Variants in NDUFA10 observed in about 807,000 individuals in gnomAD.
The protein encoded by NDUFA10 is NADH dehydrogenase [ubiquinone] 1 alpha subcomplex subunit 10, mitochondrial.
In NDUFA10, 40 loss-of-function variants were observed where a neutral mutation model predicts 47.8. That is an observed-to-expected ratio of 0.84 (90% CI 0.65 to 1.09). The LOEUF (loss-of-function observed/expected upper bound fraction) is 1.09. Ranked by LOEUF, NDUFA10 falls within the 50% of genes least tolerant of loss-of-function variation. NDUFA10 has a pLI of 0.00. For synonymous variants in NDUFA10, 183 were observed against 172.2 expected, an observed-to-expected ratio of 1.06 and a Z score of -0.49; for missense variants, 413 against 451.1, an observed-to-expected ratio of 0.92 and a Z score of 0.76.
At chr2:239,925,899 A>G (rs755754625) in intron 4 of NDUFA10, among the ~76,000 whole-genome samples, 10 of 152,362 alleles carry the variant, frequency 6.6e-5, no homozygotes, top group Admixed American at 1.3e-4. Flanking sequence ...ACATGAAAAC[A>G]TGTTAACATC....
At chr2:239,978,603 C>T (rs1007575516) in intron 9 of NDUFA10, among the ~76,000 whole-genome samples, 1 of 152,254 alleles carries the variant, frequency 6.6e-6, no homozygotes, top group Non-Finnish European at 1.5e-5. Context: ...CACTGGCCCA[C>T]AGGCACTTCT....
At chr2:239,905,221 C>T (rs934389329) in intron 4 of NDUFA10, among the ~76,000 whole-genome samples, 2 of 152,140 alleles carry the variant, frequency 1.3e-5, no homozygotes, top group Non-Finnish European at 2.9e-5. Context: ...AGTGTGAAGA[C>T]CCCCTCTAAC....
At position 239,987,330 on chromosome 2, in the gene NDUFA10, A is replaced by G. The variant is rs1696040614; in HGVS notation, c.999+2744T>C. On this transcript the variant is annotated intron_variant, in intron 9 of 9. Transcript: ENST00000252711. The surrounding 1 kb of genome is among the most constrained non-coding windows in gnomAD (Gnocchi z 4.8). ...CTCAAACCAGGCGCTGTGCATCGAC[A>G]GGAGGACTCGCTCGAATGCGTGTCT... is the stretch of plus-strand genomic sequence containing the variant. Among the ~76,000 whole-genome samples, 4 of 152,098 alleles carry G rather than the reference A, an allele frequency of 2.6e-5. No homozygotes were observed. The highest frequency in any genetic ancestry group is 2.0e-4 in the Admixed American group (3 of 15,278).
chr2:239,905,869 C>T (rs1395113416), intron 4 of NDUFA10, among the ~76,000 whole-genome samples: 1 of 106,656 alleles, frequency 9.4e-6, no homozygotes, highest in East Asian at 2.6e-4. Flanking sequence ...GGGGAGCAGC[C>T]TGGGAGGGGA....
chr2:240,022,929 G>C (rs951558124), intron 1 of NDUFA10, among the ~76,000 whole-genome samples: 5 of 152,120 alleles, frequency 3.3e-5, no homozygotes, highest in Admixed American at 3.3e-4. Flanking sequence ...AAGCAAAAGA[G>C]AGCAAATTTG....
At chr2:239,924,915 A>G (rs1694043825) in intron 4 of NDUFA10, among the ~76,000 whole-genome samples, 1 of 152,148 alleles carries the variant, frequency 6.6e-6, no homozygotes, top group African/African-American at 2.4e-5. Context: ...TATAATAGCA[A>G]TGAGCCCATA....
chr2:239,973,414 A>T (rs1277392238), intron 9 of NDUFA10: 1 of 436,904 alleles, frequency 2.3e-6, no homozygotes, highest in African/African-American at 2.1e-5. Context: ...TATTAAAGTT[A>T]ATAAAAACAT....
At chr2:239,952,303 G>T (rs1391502778) in intron 4 of NDUFA10, among the ~76,000 whole-genome samples, 1 of 151,554 alleles carries the variant, frequency 6.6e-6, no homozygotes, top group Admixed American at 6.6e-5. Context: ...GAGTGGGGAG[G>T]GGGGCCCAGG....
Position 240,005,285 on chromosome 2 carries a change from T to C in NDUFA10, c.815A>G (p.Asp272Gly), listed in dbSNP as rs1353055948. ...EAQDSKKVVE[D>G]IEYLKFDKGP... is the part of the protein sequence containing the mutation. ...TTTATCGAACTTCAGGTATTCAATG[T>C]CCTCTACCACCTAAGACAGGAAAAA... Residue 272 changes from aspartate (D) to glycine (G), a missense_variant, in exon 8 of 10, where the codon GAC becomes GGC. Coordinates refer to ENST00000252711, the MANE Select transcript of NDUFA10 (RefSeq NM_004544.4). 19 of 1,613,692 alleles carry C rather than the reference T, an allele frequency of 1.2e-5. No homozygotes were observed. Among genetic ancestry groups the C allele is most frequent in the Non-Finnish European group, 1.6e-5 (19 of 1,179,732 alleles).
At chr2:239,930,690 C>T (rs1382931513) in intron 4 of NDUFA10, among the ~76,000 whole-genome samples, 2 of 152,030 alleles carry the variant, frequency 1.3e-5, no homozygotes, top group African/African-American at 2.4e-5. Context: ...AAGGATGCAC[C>T]GGGAGCCGGA....
chr2:239,936,421 G>GAC (rs1694267064), intron 4 of NDUFA10, among the ~76,000 whole-genome samples: 2 of 152,200 alleles, frequency 1.3e-5, no homozygotes, highest in Admixed American at 6.5e-5. Context: ...TGCTCTGCGT[G>GAC]ACACTGAAAC....
intron 6 of NDUFA10, among the ~76,000 whole-genome samples, chr2:240,008,551 G>A (rs1470361119): frequency 6.6e-6 from 1 of 152,228 alleles, no homozygotes; most frequent in Non-Finnish European, 1.5e-5. Flanking sequence ...AAGTGTATAG[G>A]AGACAGAGGT....
intron 1 of NDUFA10, 58 bp downstream of exon 1, chr2:240,025,169 A>ACCCCCCC: frequency 2.3e-6 from 1 of 430,506 alleles, no homozygotes; most frequent in South Asian, 4.7e-5. Context: ...ACTGCTCCCC[A>ACCCCCCC]CCCCGCCACC....
rs553217835 is a variant in NDUFA10 at position 239,968,145 on chromosome 2, G to T, written c.1000-6959C>A. On this transcript the variant is annotated intron_variant, in intron 9 of 9. Coordinates refer to ENST00000252711, the MANE Select transcript of NDUFA10 (RefSeq NM_004544.4). ...AGAAATGAGTTGGAATGTGGGAGAA[G>T]CCCAAAGTAGAAGATGGAAGGTGAT... is the stretch of plus-strand genomic sequence containing the variant. Among the ~76,000 whole-genome samples the T allele has an allele frequency of 3.3e-5, 5 of 152,326 alleles. No homozygotes were observed. The East Asian group carries it at 9.7e-4, about 29-fold the overall frequency.
rs146861982 is a variant in NDUFA10 at position 239,917,798 on chromosome 2, C to A, written c.295-22484G>T. ...ATGTTAAGTCCGCTGGCTCTGAATG[C>A]ACTCAGTAAAGATCCTCCTGCTTTA... is the stretch of plus-strand genomic sequence containing the variant. On this transcript the variant is annotated intron_variant, in intron 4 of 5. Coordinates refer to the NDUFA10 transcript ENST00000419408. 1.2e-4 allele frequency among the ~76,000 whole-genome samples: 19 copies of A among 152,336 alleles called. No individual in the cohort carries two copies. In the East Asian group the frequency reaches 3.5e-3, roughly 28 times the overall value.
At chr2:240,017,881 T>C (rs1164798715) in intron 4 of NDUFA10, 1 of 1,570,150 alleles carries the variant, frequency 6.4e-7, no homozygotes, top group Non-Finnish European at 8.6e-7. Flanking sequence ...GATTCCAGCT[T>C]TCCACTGGCT....
chr2:239,903,670 T>C (rs1475903035), intron 4 of NDUFA10, among the ~76,000 whole-genome samples: 1 of 152,272 alleles, frequency 6.6e-6, no homozygotes, highest in Admixed American at 6.5e-5. Context: ...AGAAAATCTT[T>C]GCAGTTTGGA....
In NDUFA10 at chr2:239,959,048, A is replaced by G. The variant is rs1694739724; in HGVS notation, c.*2070T>C. 1 of 985,336 alleles carries G rather than the reference A, an allele frequency of 1.0e-6. No individual in the cohort carries two copies. Among genetic ancestry groups the G allele is most frequent in the African/African-American group, 1.7e-5 (1 of 57,246 alleles). The allele number at this position is 985,336 out of a possible 1,614,324, so 61.0% of individuals were successfully genotyped here. A position where few individuals can be genotyped will look rare whatever the true frequency, so the allele number is the denominator to read the frequency against. ...CTCTTCTTGAGGCTTCTATGTGGAGAGAAGAATTGGACAGTGTTTATTCAT... is the reference window on the plus strand; with the variant it reads ...CTCTTCTTGAGGCTTCTATGTGGAGGGAAGAATTGGACAGTGTTTATTCAT... On this transcript the variant is annotated 3_prime_UTR_variant, in exon 10 of 10. Coordinates refer to ENST00000252711, the MANE Select transcript of NDUFA10 (RefSeq NM_004544.4).
Position 239,961,128 on chromosome 2 carries a change from C to G in NDUFA10, c.1058G>C (p.Trp353Ser). ...CAGAAGGCGGCCCGTTCACTTCAGC[C>G]AGATCCACTTGTCTCCCACCTCGGT... ...YNTEVGDKWI[W>S]LK The change falls in exon 10 of 10, where the codon TGG becomes TCG. Residue 353 changes from tryptophan (W) to serine (S), a missense_variant. By Grantham distance (177) the Trp-to-Ser change is radical. Transcript: ENST00000252711. 1 of 1,614,240 alleles carries G rather than the reference C, an allele frequency of 6.2e-7. No homozygotes were observed. The highest frequency in any genetic ancestry group is 8.5e-7 in the Non-Finnish European group (1 of 1,180,050).
Sources: allele counts gnomAD v4.1 joint callset (sites outside exome capture counted in the v4.1 genomes callset), GRCh38; gene constraint gnomAD v4.1.1; non-coding constraint Gnocchi (gnomAD v3.1); transcripts MANE v1.5; gene names NCBI Gene and HGNC (gene_info 2026-07-23, HGNC 2026-07-21).